Variants in RMND5B observed in about 807,000 individuals in gnomAD.
RMND5B encodes required for meiotic nuclear division 5 homolog B, also known as E3 ubiquitin-protein transferase RMND5B.
A neutral mutation model predicts 50.4 loss-of-function variants in RMND5B; 42 were observed. The observed-to-expected ratio is 0.83, with a 90% confidence interval of 0.65 to 1.08. RMND5B has a LOEUF of 1.08. Among genes scored for constraint, RMND5B ranks in the 50% least tolerant of loss-of-function variants. The pLI is 0.00. For missense variants in RMND5B, 463 were observed against 508.5 expected (o/e 0.91, Z 0.86); for synonymous variants, 220 against 210.0 (o/e 1.05, Z -0.41).
rs990679777 is a variant in RMND5B at position 178,148,279 on chromosome 5, T to G, written c.*247T>G. ...GCTGGCCTCTGTGCTCCTGCTGTCT[T>G]TTCCTGTTTCTGTTTGCGTTTGACT... is the stretch of plus-strand genomic sequence containing the variant. On this transcript the variant is annotated 3_prime_UTR_variant, in exon 11 of 11. Coordinates refer to ENST00000313386, the MANE Select transcript of RMND5B (RefSeq NM_022762.5). The G allele has an allele frequency of 7.0e-6, 4 of 570,314 alleles. No individual in the cohort carries two copies. Among genetic ancestry groups the G allele is most frequent in the Non-Finnish European group, 1.3e-5 (4 of 318,578 alleles). The allele number at this position is 570,314 out of a possible 1,614,324, so 35.3% of individuals were successfully genotyped here.
chr5:178,142,831 CTG>C lies in RMND5B; in HGVS notation c.286-19_286-18del. On this transcript the variant is annotated intron_variant, in intron 4 of 10. Coordinates refer to ENST00000313386, the MANE Select transcript of RMND5B (RefSeq NM_022762.5). ...GCAAGAGTGCCCGCATCACCAGGCC[CTG>C]TCTCTCCTCCTTCGTCAGAACTTCG... The C allele has an allele frequency of 6.2e-7, 1 of 1,614,152 alleles. No individual in the cohort carries two copies. The highest frequency in any genetic ancestry group is 8.5e-7 in the Non-Finnish European group (1 of 1,179,960).
rs1025177052 is a variant in RMND5B, at chr5:178,149,470, C to T, written c.*1438C>T. ...ACCCACAGACTCACCACATTTTAGT[C>T]TTAGCATTTACTTTCCCCACCCCAC... is the stretch of plus-strand genomic sequence containing the variant. On this transcript the variant is annotated 3_prime_UTR_variant, in exon 11 of 11. Transcript: ENST00000313386. The T allele has an allele frequency of 2.0e-6, 1 of 492,154 alleles. No homozygotes were observed. Among genetic ancestry groups the T allele is most frequent in the South Asian group, 2.1e-5 (1 of 48,614 alleles). The allele number at this position is 492,154 out of a possible 1,614,324, so 30.5% of individuals were successfully genotyped here.
rs1756237257 is a variant in RMND5B at position 178,150,335 on chromosome 5, T to C, written c.*2303T>C. 1 of 239,148 alleles carries C rather than the reference T, an allele frequency of 4.2e-6. No homozygotes were observed. The highest frequency in any genetic ancestry group is 5.1e-5 in the South Asian group (1 of 19,730). 14.8% of individuals were successfully genotyped at this position (239,148 alleles called of 1,614,324 possible). A position where few individuals can be genotyped will look rare whatever the true frequency, so the allele number is the denominator to read the frequency against. ...TCCTTCAGAACAGGGCCTCCTGCTT[T>C]ATCCCAAGAAGTGATACTGTAGGTA... On this transcript the variant is annotated 3_prime_UTR_variant, in exon 11 of 11. Coordinates refer to ENST00000313386, the MANE Select transcript of RMND5B (RefSeq NM_022762.5).
chr5:178,146,023 T>G, intron 7 of RMND5B, 91 bp from the exon 8 acceptor site: 1 of 1,333,402 alleles, frequency 7.5e-7, no homozygotes, highest in Non-Finnish European at 1.0e-6. Context: ...GGGCTCAGCA[T>G]ATTGTGCTGT....
In RMND5B at chr5:178,138,442, A is replaced by T; in HGVS notation, c.139+184A>T. 2.2e-6 allele frequency: 3 copies of T among 1,358,416 alleles called. No homozygotes were observed. The highest frequency in any genetic ancestry group is 2.8e-6 in the Non-Finnish European group (3 of 1,053,152). 84.1% of individuals were successfully genotyped at this position (1,358,416 alleles called of 1,614,324 possible). ...ACTTCAAAAAGCCCAACAAATTATT[A>T]ATTTACCTGAGATGATTCCCATTTA... is the stretch of plus-strand genomic sequence containing the variant. On this transcript the variant is annotated intron_variant, in intron 3 of 10. Coordinates refer to ENST00000313386, the MANE Select transcript of RMND5B (RefSeq NM_022762.5). The surrounding 1 kb of genome is among the most constrained non-coding windows in gnomAD (Gnocchi z 5.1).
rs574823455 is a variant in RMND5B, at chr5:178,143,540, G to A, written c.427-87G>A. 2.9e-6 allele frequency: 3 copies of A among 1,049,366 alleles called. No homozygotes were observed. The East Asian group carries it at 7.2e-5, about 25-fold the overall frequency. 65.0% of individuals were successfully genotyped at this position (1,049,366 alleles called of 1,614,324 possible). A position where few individuals can be genotyped will look rare whatever the true frequency, so the allele number is the denominator to read the frequency against. On this transcript the variant is annotated intron_variant, in intron 5 of 10. Coordinates refer to ENST00000313386, the MANE Select transcript of RMND5B (RefSeq NM_022762.5). ...AAGCCCAGCTCTCTGGCCTGTCTTT[G>A]GCGGGTGAGCTTTTATTATGTGCAT...
intron 6 of RMND5B, 93 bp from the exon 7 acceptor site, chr5:178,143,849 C>A: frequency 6.6e-7 from 1 of 1,509,146 alleles, no homozygotes; most frequent in South Asian, 1.1e-5. Context: ...TCTCAAGAGC[C>A]TCACACAGGC....
chr5:178,147,880 G>A lies in RMND5B; in HGVS notation c.1115G>A (p.Gly372Glu). 1.9e-6 allele frequency: 3 copies of A among 1,614,060 alleles called. No homozygotes were observed. The highest frequency in any genetic ancestry group is 2.7e-5 in the African/African-American group (2 of 74,998). ...GCACTCAATAAGCTCATTAATGGAGGAAAGTAAGTTCCCCGTGCTCTACTC... is the reference window on the plus strand; with the variant it reads ...GCACTCAATAAGCTCATTAATGGAGAAAAGTAAGTTCCCCGTGCTCTACTC... ...RDALNKLING[G>E]KLKCPYCPME... Residue 372 changes from glycine (G) to glutamate (E), a missense_variant, in exon 10 of 11, where the codon GGA (glycine) becomes GAA (glutamate). By Grantham distance (98) the Gly-to-Glu change is moderately conservative. Coordinates refer to ENST00000313386, the MANE Select transcript of RMND5B (RefSeq NM_022762.5).
At chr5:178,147,278 T>C in intron 8 of RMND5B, 1 of 534,400 alleles carries the variant, frequency 1.9e-6, no homozygotes, top group South Asian at 2.3e-5. Context: ...AGCAGATATC[T>C]GCCCCTAGAG....
Position 178,149,180 on chromosome 5 carries a change from TG to T in RMND5B, c.*1149del, listed in dbSNP as rs1055957683. On this transcript the variant is annotated 3_prime_UTR_variant, in exon 11 of 11. Coordinates refer to ENST00000313386, the MANE Select transcript of RMND5B (RefSeq NM_022762.5). ...GTTAAGTTAGGAATGGGGGTGTTCC[TG>T]ATGTGGGGGCTTTAGGCTTCCATGA... The T allele has an allele frequency of 1.3e-5, 2 of 153,216 alleles. No individual in the cohort carries two copies. Among genetic ancestry groups the T allele is most frequent in the Admixed American group, 1.3e-4 (2 of 15,382 alleles). 9.5% of individuals were successfully genotyped at this position (153,216 alleles called of 1,614,324 possible).
chr5:178,145,118 C>T (rs867145689), intron 7 of RMND5B, among the ~76,000 whole-genome samples: 1 of 151,976 alleles, frequency 6.6e-6, no homozygotes, highest in Non-Finnish European at 1.5e-5. Flanking sequence ...GGTGTGATCC[C>T]GGCTCACTGC....
In RMND5B at chr5:178,150,506, AGTGGCT is replaced by A. The variant is rs1335702019; in HGVS notation, c.*2476_*2481del. The A allele has an allele frequency of 2.7e-6, 1 of 363,906 alleles. No homozygotes were observed. 22.5% of individuals were successfully genotyped at this position (363,906 alleles called of 1,614,324 possible). Reference sequence around the variant, plus strand: ...AGTGATCTCCTGCTTTAGCCTCCCAAGTGGCTGGGACTACAGGCATGTGCCACCACA... The same window carrying A: ...AGTGATCTCCTGCTTTAGCCTCCCAAGGGACTACAGGCATGTGCCACCACA... On this transcript the variant is annotated 3_prime_UTR_variant, in exon 11 of 11. Coordinates refer to ENST00000313386, the MANE Select transcript of RMND5B (RefSeq NM_022762.5).
rs779288157 is a variant in RMND5B, at chr5:178,138,480, AACTT to A, written c.139+227_139+230del. 6.1e-5 allele frequency: 76 copies of A among 1,247,328 alleles called. No homozygotes were observed. Among genetic ancestry groups the A allele is most frequent in the Non-Finnish European group, 6.9e-5 (66 of 958,532 alleles). The allele number at this position is 1,247,328 out of a possible 1,614,324, so 77.3% of individuals were successfully genotyped here. On this transcript the variant is annotated intron_variant, in intron 3 of 10. Transcript: ENST00000313386. This position sits in a 1 kb window ranked among gnomAD's most constrained non-coding sequence, Gnocchi z 5.1. ...TGATTCCCATTTACATTTTGTTTTC[AACTT>A]ACTTTTCTATTTTTAACTTTTTTTC...
chr5:178,136,505 A>C (rs1758629870), intron 2 of RMND5B, among the ~76,000 whole-genome samples: 1 of 152,100 alleles, frequency 6.6e-6, no homozygotes, highest in South Asian at 2.1e-4. Context: ...TGTAAGGAAA[A>C]AGGGAAGAAA....
intron 6 of RMND5B, 26 bp downstream of exon 6, chr5:178,143,753 C>T: frequency 6.4e-7 from 1 of 1,570,440 alleles, no homozygotes; most frequent in East Asian, 2.2e-5. Context: ...GGTGGGCCAG[C>T]AGCATTCTGC....
At position 178,150,257 on chromosome 5, in the gene RMND5B, T is replaced by C. The variant is rs773348020; in HGVS notation, c.*2225T>C. The C allele has an allele frequency of 6.9e-5, 15 of 217,034 alleles. No individual in the cohort carries two copies. Among genetic ancestry groups the C allele is most frequent in the Non-Finnish European group, 1.0e-4 (11 of 106,066 alleles). 13.4% of individuals were successfully genotyped at this position (217,034 alleles called of 1,614,324 possible). A position where few individuals can be genotyped will look rare whatever the true frequency, so the allele number is the denominator to read the frequency against. On this transcript the variant is annotated 3_prime_UTR_variant, in exon 11 of 11. Coordinates refer to ENST00000313386, the MANE Select transcript of RMND5B (RefSeq NM_022762.5). ...ACATACATCTATCTCTTTATTCTCA[T>C]AGTCCACAGATAACTGACTATTTGG...
rs201618462 is a variant in RMND5B at position 178,149,691 on chromosome 5, G to A, written c.*1659G>A. ...AGCCCAATAGCTTCCAGCGGCAGGT[G>A]CCCAGGTGCTACCGGAGCCCCTCAT... On this transcript the variant is annotated 3_prime_UTR_variant, in exon 11 of 11. Transcript: ENST00000313386. The A allele has an allele frequency of 6.2e-7, 1 of 1,612,338 alleles. No individual in the cohort carries two copies. Among genetic ancestry groups the A allele is most frequent in the African/African-American group, 1.3e-5 (1 of 75,014 alleles).
chr5:178,135,252 C>A (rs550862961), intron 2 of RMND5B: 1 of 238,628 alleles, frequency 4.2e-6, no homozygotes. Context: ...CTCAAGCAGT[C>A]CTCCGTCCCA....
At position 178,143,055 on chromosome 5, in the gene RMND5B, C is replaced by G. The variant is rs959129740; in HGVS notation, c.426+63C>G. On this transcript the variant is annotated intron_variant, in intron 5 of 10. Transcript: ENST00000313386. Reference sequence around the variant, plus strand: ...TCTGCCTTTCACCTGCTAGTTTTCACTGTATGAAGTCCCTACCATTCTCAA... The same window carrying G: ...TCTGCCTTTCACCTGCTAGTTTTCAGTGTATGAAGTCCCTACCATTCTCAA... The G allele has an allele frequency of 2.8e-5, 43 of 1,548,338 alleles. 1 individual carries two copies. Among genetic ancestry groups the G allele is most frequent in the Non-Finnish European group, 3.7e-5 (42 of 1,142,170 alleles).
Sources: gnomAD v4.1 joint callset for allele counts (sites outside exome capture counted in the v4.1 genomes callset) on GRCh38, gnomAD v4.1.1 for gene constraint, Gnocchi (gnomAD v3.1) non-coding constraint, MANE v1.5 for transcripts, NCBI Gene and HGNC (gene_info 2026-07-23, HGNC 2026-07-21) for gene names.